Variants in SS18 observed in about 807,000 individuals in gnomAD.
SS18 encodes SS18 subunit of BAF chromatin remodeling complex.
In SS18, 28 loss-of-function variants were observed where a neutral mutation model predicts 72.5. The observed-to-expected ratio is 0.39, with a 90% CI of 0.29 to 0.53. The LOEUF (loss-of-function observed/expected upper bound fraction) is 0.53. Among genes scored for constraint, SS18 ranks in the 20% least tolerant of loss-of-function variants. The pLI is 0.76. For synonymous variants in SS18, 172 were observed against 164.2 expected, an observed-to-expected ratio of 1.05 and a Z score of -0.37; for missense variants, 518 against 535.3, an observed-to-expected ratio of 0.97 and a Z score of 0.32.
At chr18:26,033,141 T>A (rs28477669) in intron 9 of SS18, among the ~76,000 whole-genome samples, 9,528 of 152,278 alleles carry the variant, frequency 0.063, 822 homozygotes, top group African/African-American at 0.2. Flanking sequence ...TTTAATACTT[T>A]ACCCATAAAA....
At chr18:26,078,200 T>C in intron 2 of SS18, 40 bp from the exon 3 acceptor site, 1 of 1,464,410 alleles carries the variant, frequency 6.8e-7, no homozygotes, top group Non-Finnish European at 9.5e-7. Flanking sequence ...AAAAATAATT[T>C]TCTTCCTACC....
chr18:26,038,840 T>A (rs1480842995), intron 6 of SS18, among the ~76,000 whole-genome samples, 181 bp from the exon 7 acceptor site: 1 of 152,176 alleles, frequency 6.6e-6, no homozygotes, highest in East Asian at 1.9e-4. Flanking sequence ...CAGCTCCACA[T>A]ACCACATTTA....
At position 26,087,489 on chromosome 18, in the gene SS18, T is replaced by C. The variant is rs748415722; in HGVS notation, c.146+12A>G. ...AAAACTGAATAAAAAAAAAGTTTCTTATCAATCTTACTGAGAACACTCTGA... is the reference window on the plus strand; with the variant it reads ...AAAACTGAATAAAAAAAAAGTTTCTCATCAATCTTACTGAGAACACTCTGA... On this transcript the variant is annotated intron_variant, in intron 2 of 10. Transcript: ENST00000415083. 2 of 1,516,880 alleles carry C rather than the reference T, an allele frequency of 1.3e-6. No homozygotes were observed. Among genetic ancestry groups the C allele is most frequent in the Non-Finnish European group, 1.8e-6 (2 of 1,113,566 alleles). 94.0% of individuals were successfully genotyped at this position (1,516,880 alleles called of 1,614,324 possible).
chr18:26,046,650 T>C (rs2053829199), intron 5 of SS18, among the ~76,000 whole-genome samples: 1 of 152,220 alleles, frequency 6.6e-6, no homozygotes, highest in Non-Finnish European at 1.5e-5. Flanking sequence ...TTACACTGAA[T>C]TTGGGTTTCA....
chr18:26,027,955 C>T (rs1011506227), intron 10 of SS18, among the ~76,000 whole-genome samples: 1 of 151,912 alleles, frequency 6.6e-6, no homozygotes, highest in Admixed American at 6.6e-5. Context: ...AACTGATAAA[C>T]TAAGCTTCAT....
chr18:26,079,804 C>T (rs2054483677), intron 2 of SS18, among the ~76,000 whole-genome samples: 1 of 152,182 alleles, frequency 6.6e-6, no homozygotes, highest in East Asian at 1.9e-4. Context: ...TGCTCTCAAA[C>T]TCCTGAGCTC....
At chr18:26,018,557 T>G (rs970722795) in intron 10 of SS18, among the ~76,000 whole-genome samples, 177 bp from the exon 11 acceptor site, 1 of 152,222 alleles carries the variant, frequency 6.6e-6, no homozygotes, top group African/African-American at 2.4e-5. Context: ...TCTTCTGATA[T>G]TATATTCAAT....
At chr18:26,072,535 G>A (rs2054330218) in intron 3 of SS18, among the ~76,000 whole-genome samples, 1 of 151,980 alleles carries the variant, frequency 6.6e-6, no homozygotes, top group Admixed American at 6.6e-5. Context: ...CAATGATGTT[G>A]CAGGCGGCGC....
intron 5 of SS18, among the ~76,000 whole-genome samples, chr18:26,050,100 T>C (rs1167746051): frequency 6.6e-6 from 1 of 152,132 alleles, no homozygotes; most frequent in Non-Finnish European, 1.5e-5. Flanking sequence ...CTGGGCGTGA[T>C]GGCAGGCACC....
intron 3 of SS18, among the ~76,000 whole-genome samples, chr18:26,072,231 T>A (rs7232106): frequency 0.098 from 14,801 of 151,092 alleles, 1,090 homozygotes; most frequent in African/African-American, 0.19. Flanking sequence ...ACTAAAAGAA[T>A]AGTAAATATG....
intron 2 of SS18, chr18:26,080,451 T>G: frequency 2.3e-6 from 2 of 859,682 alleles, no homozygotes; most frequent in Non-Finnish European, 2.8e-6. Flanking sequence ...AGTATCATGT[T>G]GATTAGTACT....
chr18:26,022,209 C>T (rs1027905887), intron 10 of SS18, among the ~76,000 whole-genome samples: 3 of 152,112 alleles, frequency 2.0e-5, no homozygotes, highest in African/African-American at 7.2e-5. Flanking sequence ...GTTGTTTATA[C>T]TTTATTCACC....
chr18:26,041,248 C>A (rs2053718170), intron 5 of SS18, among the ~76,000 whole-genome samples: 2 of 152,084 alleles, frequency 1.3e-5, no homozygotes, highest in Admixed American at 6.5e-5. Flanking sequence ...CATGGTGAAA[C>A]CCCAACTCTA....
intron 5 of SS18, among the ~76,000 whole-genome samples, chr18:26,043,619 T>A (rs2053768053): frequency 1.3e-5 from 2 of 152,194 alleles, no homozygotes; most frequent in Admixed American, 1.3e-4. Context: ...TAGGATTCTT[T>A]ACTTACCTAA....
intron 10 of SS18, among the ~76,000 whole-genome samples, chr18:26,029,206 T>G (rs759184841): frequency 1.3e-5 from 2 of 152,096 alleles, no homozygotes; most frequent in Non-Finnish European, 2.9e-5. Context: ...AGCGAGTGGT[T>G]GGGATATAAA....
In SS18 at chr18:26,078,149, A is replaced by G. The variant is rs1219479678; in HGVS notation, c.158T>C (p.Met53Thr). The change falls in exon 3 of 11, where the codon ATG becomes ACG. Residue 53 changes from methionine (M) to threonine (T), a missense_variant. Met to Thr is a moderately conservative substitution (Grantham distance 81). Coordinates refer to ENST00000415083, the MANE Select transcript of SS18 (RefSeq NM_001007559.3). Reference protein sequence around the residue: ...KTSECSQYQQMLHTNLVYLAT... With the variant: ...KTSECSQYQQTLHTNLVYLAT... ...AAGGTATACCAAGTTTGTGTGCAAC[A>G]TCTGCTGATACCTATTAAAACAAAA... The G allele has an allele frequency of 6.2e-7, 1 of 1,611,904 alleles. No homozygotes were observed. Among genetic ancestry groups the G allele is most frequent in the Non-Finnish European group, 8.5e-7 (1 of 1,178,938 alleles).
chr18:26,021,307 A>C (rs903920605), intron 10 of SS18, among the ~76,000 whole-genome samples: 44 of 152,176 alleles, frequency 2.9e-4, no homozygotes, highest in African/African-American at 1.1e-3. Context: ...GGGTAATTAT[A>C]ATCTCTATTT....
chr18:26,052,155 A>C (rs188515643), intron 5 of SS18, among the ~76,000 whole-genome samples: 218 of 152,330 alleles, frequency 1.4e-3, no homozygotes, highest in African/African-American at 5.1e-3. Context: ...ACACCACTCT[A>C]AGACAAGTAC....
chr18:26,045,509 T>C (rs2053804775), intron 5 of SS18, among the ~76,000 whole-genome samples: 1 of 152,168 alleles, frequency 6.6e-6, no homozygotes, highest in Admixed American at 6.5e-5. Context: ...ATGGCATACA[T>C]GCTTATTTTT....
Sources: gnomAD v4.1 joint callset for allele counts (sites outside exome capture counted in the v4.1 genomes callset) on GRCh38, gnomAD v4.1.1 for gene constraint, MANE v1.5 for transcripts, NCBI Gene and HGNC (gene_info 2026-07-23, HGNC 2026-07-21) for gene names.